PCSK5: variants seen among roughly 807,000 people sequenced by gnomAD.
PCSK5 encodes proprotein convertase subtilisin/kexin type 5, also known as prohormone convertase 5.
PCSK5 carries 129 observed loss-of-function variants against 233.2 expected under a neutral mutation model. The observed-to-expected ratio is 0.55, with a 90% CI of 0.48 to 0.64. PCSK5 has a LOEUF of 0.64. Ranked by LOEUF, PCSK5 falls within the 30% of genes least tolerant of loss-of-function variation. PCSK5 has a pLI of 0.00. For missense variants in PCSK5, 2,076 were observed against 2,430.1 expected (o/e 0.85, Z 3.06); for synonymous variants, 825 against 879.2 (o/e 0.94, Z 1.09).
chr9:76,283,185 G>A (rs967743924), intron 24 of PCSK5, among the ~76,000 whole-genome samples: 6 of 152,210 alleles, frequency 3.9e-5, no homozygotes, highest in Non-Finnish European at 7.3e-5. Flanking sequence ...AGTTGATAAA[G>A]TAGCAGCAGA....
At chr9:76,185,963 A>G (rs1330582543) in intron 17 of PCSK5, among the ~76,000 whole-genome samples, 1 of 152,238 alleles carries the variant, frequency 6.6e-6, no homozygotes, top group Non-Finnish European at 1.5e-5. Flanking sequence ...TTTATTTCTT[A>G]GGGAACATTG....
At chr9:76,251,674 CA>C (rs1826813419) in intron 24 of PCSK5, among the ~76,000 whole-genome samples, 1 of 151,820 alleles carries the variant, frequency 6.6e-6, no homozygotes, top group South Asian at 2.1e-4. Flanking sequence ...GAATTGCTAG[CA>C]TTTATTGAAT....
chr9:76,021,630 A>G (rs920863336), intron 3 of PCSK5, among the ~76,000 whole-genome samples: 4 of 152,198 alleles, frequency 2.6e-5, no homozygotes, highest in Admixed American at 2.0e-4. Flanking sequence ...GTTGTCTGTC[A>G]TAAAAACATG....
At chr9:76,355,125 G>C (rs1486553702) in intron 37 of PCSK5, among the ~76,000 whole-genome samples, 2 of 152,088 alleles carry the variant, frequency 1.3e-5, no homozygotes, top group Admixed American at 1.3e-4. Context: ...GTGGGTACTT[G>C]GTTCTCATTG....
chr9:76,009,452 C>A (rs113436381), intron 3 of PCSK5, among the ~76,000 whole-genome samples: 2,505 of 151,928 alleles, frequency 0.016, 75 homozygotes, highest in African/African-American at 0.057. Context: ...CATGGTGAAA[C>A]CCTGGCTCTA....
rs1382198898 is a variant in PCSK5, at chr9:75,890,840, C to T, written c.-342C>T. The T allele has an allele frequency of 8.5e-6, 2 of 235,510 alleles. No individual in the cohort carries two copies. Among genetic ancestry groups the T allele is most frequent in the Non-Finnish European group, 8.2e-6 (1 of 121,770 alleles). The allele number at this position is 235,510 out of a possible 1,614,324, so 14.6% of individuals were successfully genotyped here. A position where few individuals can be genotyped will look rare whatever the true frequency, so the allele number is the denominator to read the frequency against. On this transcript the variant is annotated 5_prime_UTR_variant, in exon 1 of 38. Coordinates refer to ENST00000674117, the MANE Select transcript of PCSK5 (RefSeq NM_001372043.1). ...GGCCCCGGGAGGAGCGAGACCGAGT[C>T]GGAGAGTCCGGGAGCCAAGCCGGGC...
At chr9:76,007,528 A>C (rs769355545) in intron 3 of PCSK5, among the ~76,000 whole-genome samples, 2 of 152,084 alleles carry the variant, frequency 1.3e-5, no homozygotes, top group Non-Finnish European at 2.9e-5. Flanking sequence ...ATACAGTAAG[A>C]ATTATTTGAT....
chr9:76,218,844 CACGG>C (rs1825631599), intron 20 of PCSK5, among the ~76,000 whole-genome samples: 1 of 151,826 alleles, frequency 6.6e-6, no homozygotes, highest in South Asian at 2.1e-4. Flanking sequence ...CCGCAGTAGG[CACGG>C]AGCAAACCTT....
At chr9:75,906,556 A>C (rs1042430671) in intron 1 of PCSK5, among the ~76,000 whole-genome samples, 1 of 152,224 alleles carries the variant, frequency 6.6e-6, no homozygotes, top group Non-Finnish European at 1.5e-5. Flanking sequence ...AGCTCCAACC[A>C]CATGGTAGTC....
At chr9:76,043,590 A>G (rs1829228833) in intron 5 of PCSK5, among the ~76,000 whole-genome samples, 1 of 152,138 alleles carries the variant, frequency 6.6e-6, no homozygotes. Flanking sequence ...TAGGAGGTAA[A>G]TAAGTGGTAT....
intron 3 of PCSK5, among the ~76,000 whole-genome samples, chr9:76,003,093 A>T (rs1827328423): frequency 6.6e-6 from 1 of 152,218 alleles, no homozygotes; most frequent in African/African-American, 2.4e-5. Context: ...GAGGGAGAGT[A>T]GCATGTAAGA....
At chr9:76,008,055 G>A (rs1441327105) in intron 3 of PCSK5, among the ~76,000 whole-genome samples, 2 of 151,870 alleles carry the variant, frequency 1.3e-5, no homozygotes, top group Non-Finnish European at 2.9e-5. Flanking sequence ...CTCCGTGCAG[G>A]TCTCAGATCT....
At chr9:75,970,387 A>G (rs1825766189) in intron 2 of PCSK5, among the ~76,000 whole-genome samples, 1 of 152,224 alleles carries the variant, frequency 6.6e-6, no homozygotes, top group Non-Finnish European at 1.5e-5. Flanking sequence ...CTGGAGGGAA[A>G]AAGGATTTCT....
chr9:76,198,136 C>T lies in PCSK5; in HGVS notation c.2626+8390C>T, dbSNP rs565663327. Among the ~76,000 whole-genome samples the T allele has an allele frequency of 2.6e-5, 4 of 152,308 alleles. No homozygotes were observed. In the South Asian group the frequency reaches 8.3e-4, roughly 32 times the overall value. On this transcript the variant is annotated intron_variant, in intron 20 of 37. Transcript: ENST00000674117. ...AATGTGACCTGGGATGGCCAGCACT[C>T]CTTCCCGTTCTCTACCTCCAAGGGA...
Position 76,344,057 on chromosome 9 carries a change from G to A in PCSK5, c.4966+5610G>A, listed in dbSNP as rs76335414. Among the ~76,000 whole-genome samples the A allele has an allele frequency of 8.3e-3, 1,269 of 152,046 alleles. 17 individuals carry two copies. The highest frequency in any genetic ancestry group is 0.029 in the African/African-American group (1,212 of 41,462). ...TGAGATGTTTTACATGTGTTGTACT[G>A]TCTTTGAAAGTCCAATGTTTATTTT... is the stretch of plus-strand genomic sequence containing the variant. On this transcript the variant is annotated intron_variant, in intron 35 of 37. Coordinates refer to ENST00000674117, the MANE Select transcript of PCSK5 (RefSeq NM_001372043.1).
chr9:76,176,031 AAC>A (rs1554700076), intron 14 of PCSK5, among the ~76,000 whole-genome samples: 2 of 152,072 alleles, frequency 1.3e-5, no homozygotes, highest in Non-Finnish European at 2.9e-5. Flanking sequence ...CAAAAAAAAA[AAC>A]TATTAGAGGC....
At chr9:75,977,314 C>G (rs1251718473) in intron 2 of PCSK5, among the ~76,000 whole-genome samples, 1 of 151,890 alleles carries the variant, frequency 6.6e-6, no homozygotes, top group African/African-American at 2.4e-5. Flanking sequence ...GCTCACTGCA[C>G]AGATCATCCC....
intron 7 of PCSK5, among the ~76,000 whole-genome samples, chr9:76,083,204 C>CAAAAAAAAAAAAAAAAAAAAAA (rs11324176): frequency 1.3e-5 from 1 of 75,460 alleles, no homozygotes; most frequent in Non-Finnish European, 2.5e-5. Context: ...AGCGAGATCT[C>CAAAAAAAAAAAAAAAAAAAAAA]AAAAAAAAAA....
At chr9:76,184,623 A>G (rs1487330962) in intron 16 of PCSK5, 50 bp from the exon 17 acceptor site, 2 of 1,210,142 alleles carry the variant, frequency 1.7e-6, no homozygotes, top group Non-Finnish European at 2.4e-6. Context: ...TGATGCTTTT[A>G]TGGAATCCAA....
Sources: gnomAD v4.1 joint callset for allele counts (sites outside exome capture counted in the v4.1 genomes callset) on GRCh38, gnomAD v4.1.1 for gene constraint, MANE v1.5 for transcripts, NCBI Gene and HGNC (gene_info 2026-07-23, HGNC 2026-07-21) for gene names.